CCDC178: variants seen among roughly 807,000 people sequenced by gnomAD.
The protein encoded by CCDC178 is coiled-coil domain containing 178.
CCDC178 carries 126 observed loss-of-function variants against 117.4 expected under a neutral mutation model. The observed-to-expected ratio is 1.07, with a 90% confidence interval of 0.93 to 1.24. The LOEUF (loss-of-function observed/expected upper bound fraction) is 1.24, where lower values mean the gene tolerates loss of function less well. Ranked by LOEUF, CCDC178 falls within the 50% of genes most tolerant of loss-of-function variation. The probability of loss-of-function intolerance (pLI) is 0.00; values close to 1 mark genes in which losing one functional copy is unlikely to be tolerated. For synonymous variants in CCDC178, 283 were observed against 313.4 expected (o/e 0.90, Z 1.02); for missense variants, 1,030 against 986.9 (o/e 1.04, Z -0.59).
At chr18:33,051,341 G>A (rs925351767) in intron 21 of CCDC178, among the ~76,000 whole-genome samples, 1 of 152,114 alleles carries the variant, frequency 6.6e-6, no homozygotes, top group African/African-American at 2.4e-5. Flanking sequence ...ATGCAGGATG[G>A]CAAATATCCT....
chr18:33,086,519 G>C (rs1302474268), intron 21 of CCDC178, among the ~76,000 whole-genome samples: 3 of 151,436 alleles, frequency 2.0e-5, no homozygotes, highest in Non-Finnish European at 4.4e-5. Flanking sequence ...TAAACACCAA[G>C]TCAATCAGTA....
chr18:33,410,880 A>G (rs1435983720), intron 3 of CCDC178, among the ~76,000 whole-genome samples: 1 of 152,170 alleles, frequency 6.6e-6, no homozygotes, highest in African/African-American at 2.4e-5. Flanking sequence ...CCTCCTCTTG[A>G]AACTGCCAAA....
intron 20 of CCDC178, among the ~76,000 whole-genome samples, chr18:33,177,137 T>G (rs962423161): frequency 6.6e-6 from 1 of 151,836 alleles, no homozygotes; most frequent in Non-Finnish European, 1.5e-5. Flanking sequence ...TTCTCACTCA[T>G]AAGTGGGAGT....
intron 10 of CCDC178, among the ~76,000 whole-genome samples, chr18:33,329,706 G>A (rs890406303): frequency 3.9e-5 from 6 of 152,070 alleles, no homozygotes; most frequent in African/African-American, 1.2e-4. Context: ...GGATTTTGTT[G>A]AGGATTTTTG....
chr18:33,348,923 G>A lies in CCDC178; in HGVS notation c.424C>T (p.Pro142Ser), dbSNP rs1287916415. The change falls in exon 8 of 23, where the codon CCA (proline) becomes TCA (serine). Residue 142 changes from proline to serine, a missense_variant. Pro to Ser is a moderately conservative substitution (Grantham distance 74). Transcript: ENST00000383096. ...DLKEDWSVTTPVKEVKPGEKR... is the reference protein window; with the variant it reads ...DLKEDWSVTTSVKEVKPGEKR... The stretch of plus-strand genomic sequence containing the variant: ...TCTCCTGGTTTGACCTCTTTCACTG[G>A]TGTAGTTACACTCCAATCTTCTTTC... 1 of 1,610,260 alleles carries A rather than the reference G, an allele frequency of 6.2e-7. No homozygotes were observed. The highest frequency in any genetic ancestry group is 1.1e-5 in the South Asian group (1 of 90,806).
intron 20 of CCDC178, among the ~76,000 whole-genome samples, chr18:33,113,401 A>C (rs1317736806): frequency 6.6e-6 from 1 of 152,054 alleles, no homozygotes; most frequent in Non-Finnish European, 1.5e-5. Context: ...AAATAATTTT[A>C]GGATAAGCTG....
chr18:32,971,009 A>T (rs1334474541), intron 22 of CCDC178, among the ~76,000 whole-genome samples: 1 of 151,854 alleles, frequency 6.6e-6, no homozygotes, highest in Non-Finnish European at 1.5e-5. Context: ...TTATTTATGT[A>T]TTTATTTTTA....
At chr18:33,414,696 A>T (rs2063908305) in intron 2 of CCDC178, among the ~76,000 whole-genome samples, 1 of 152,256 alleles carries the variant, frequency 6.6e-6, no homozygotes, top group African/African-American at 2.4e-5. Flanking sequence ...CGAAATTGAC[A>T]AATGGGATCT....
At chr18:33,320,708 T>A (rs1348202599) in intron 11 of CCDC178, among the ~76,000 whole-genome samples, 2 of 152,144 alleles carry the variant, frequency 1.3e-5, no homozygotes, top group Non-Finnish European at 2.9e-5. Flanking sequence ...AAGCTACCAA[T>A]GACTTTCTTC....
intron 4 of CCDC178, among the ~76,000 whole-genome samples, chr18:33,395,131 G>T (rs569215555): frequency 1.3e-5 from 2 of 150,604 alleles, no homozygotes; most frequent in African/African-American, 4.9e-5. Flanking sequence ...ATTTGGGCTG[G>T]GTTTGATGAC....
At chr18:33,325,463 ATATG>A (rs2062572173) in intron 10 of CCDC178, among the ~76,000 whole-genome samples, 1 of 152,040 alleles carries the variant, frequency 6.6e-6, no homozygotes, top group African/African-American at 2.4e-5. Context: ...GGTAACTTAT[ATATG>A]TAATATTATT....
intron 21 of CCDC178, among the ~76,000 whole-genome samples, chr18:33,039,316 T>C (rs148882242): frequency 3.3e-5 from 5 of 152,180 alleles, no homozygotes; most frequent in Admixed American, 2.6e-4. Context: ...TTAATTTTAA[T>C]CTCTCCACAC....
intron 10 of CCDC178, among the ~76,000 whole-genome samples, chr18:33,325,484 G>T (rs569100545): frequency 4.6e-5 from 7 of 151,784 alleles, no homozygotes; most frequent in African/African-American, 1.7e-4. Flanking sequence ...TATTTTTATA[G>T]AATTTCCATA....
chr18:33,325,411 T>G (rs750830461), intron 10 of CCDC178, among the ~76,000 whole-genome samples: 8 of 152,076 alleles, frequency 5.3e-5, no homozygotes, highest in Non-Finnish European at 1.0e-4. Context: ...TGAAGAATTC[T>G]TTGGCAAATA....
chr18:33,420,115 A>G (rs756266128), intron 2 of CCDC178, among the ~76,000 whole-genome samples: 1 of 152,212 alleles, frequency 6.6e-6, no homozygotes, highest in Non-Finnish European at 1.5e-5. Context: ...ACACAGCCAT[A>G]AAAAGAATGA....
chr18:33,107,656 C>A lies in CCDC178; in HGVS notation c.2239-14746G>T, dbSNP rs559552984. Reference sequence around the variant, plus strand: ...AATTTTCTTTCCAGTTTTTCTTTTTCTTTTCTTAGTTATTTTTCAACACCA... The same window carrying A: ...AATTTTCTTTCCAGTTTTTCTTTTTATTTTCTTAGTTATTTTTCAACACCA... On this transcript the variant is annotated intron_variant, in intron 20 of 22. Coordinates refer to ENST00000383096, the MANE Select transcript of CCDC178 (RefSeq NM_001105528.4). Among the ~76,000 whole-genome samples, 3 of 151,594 alleles carry A rather than the reference C, an allele frequency of 2.0e-5. No individual in the cohort carries two copies. The East Asian group carries it at 5.9e-4, about 30-fold the overall frequency.
intron 14 of CCDC178, among the ~76,000 whole-genome samples, chr18:33,258,227 C>T (rs1044083336): frequency 2.6e-5 from 4 of 152,118 alleles, no homozygotes; most frequent in African/African-American, 9.7e-5. Flanking sequence ...AGCACACTTA[C>T]AGGCTTTTAG....
intron 9 of CCDC178, among the ~76,000 whole-genome samples, chr18:33,339,951 C>A (rs992920831): frequency 6.6e-6 from 1 of 151,918 alleles, no homozygotes; most frequent in Non-Finnish European, 1.5e-5. Flanking sequence ...GTGGGGTGTG[C>A]TGAAAAGATA....
intron 21 of CCDC178, among the ~76,000 whole-genome samples, chr18:33,069,289 G>A (rs1300721560): frequency 6.6e-6 from 1 of 151,994 alleles, no homozygotes; most frequent in African/African-American, 2.4e-5. Context: ...ATACTACAAA[G>A]CTGTAGTAAT....
Sources: allele counts gnomAD v4.1 joint callset (sites outside exome capture counted in the v4.1 genomes callset), GRCh38; gene constraint gnomAD v4.1.1; transcripts MANE v1.5; gene names NCBI Gene and HGNC (gene_info 2026-07-23, HGNC 2026-07-21).